Variants in DCC observed in about 807,000 individuals in gnomAD.
DCC encodes netrin receptor DCC.
DCC carries 58 observed loss-of-function variants against 172.5 expected under a neutral mutation model. The ratio of observed to expected loss-of-function variants is 0.34; its 90% confidence interval spans 0.27 to 0.42. DCC has a LOEUF of 0.42. Among genes scored for constraint, DCC ranks in the 10% least tolerant of loss-of-function variants. The pLI is 1.00. For synonymous variants in DCC, 709 were observed against 644.5 expected (o/e 1.10, Z -1.52); for missense variants, 1,740 against 1,791.0 (o/e 0.97, Z 0.51).
intron 1 of DCC, among the ~76,000 whole-genome samples, chr18:52,545,462 C>T (rs372048626): frequency 9.2e-5 from 14 of 152,304 alleles, no homozygotes; most frequent in Admixed American, 2.0e-4. Flanking sequence ...AGCCTCAAGC[C>T]GGTTCAGCTC....
At chr18:52,641,666 T>TA (rs2034893415) in intron 1 of DCC, among the ~76,000 whole-genome samples, 1 of 151,990 alleles carries the variant, frequency 6.6e-6, no homozygotes. Flanking sequence ...CACAATGCAA[T>TA]ACCACCTTAT....
intron 25 of DCC, among the ~76,000 whole-genome samples, chr18:53,475,597 T>C (rs1456839464): frequency 6.6e-6 from 1 of 152,154 alleles, no homozygotes; most frequent in Non-Finnish European, 1.5e-5. Flanking sequence ...AGTCAAGAAC[T>C]GGGGTTTGGG....
intron 2 of DCC, among the ~76,000 whole-genome samples, chr18:52,805,436 A>C (rs953216636): frequency 2.0e-5 from 3 of 152,176 alleles, no homozygotes; most frequent in Non-Finnish European, 4.4e-5. Flanking sequence ...AATTATATGA[A>C]TTTTTGTTTT....
In DCC at chr18:53,453,876, A is replaced by C. The variant is rs145918220; in HGVS notation, c.3392+3214A>C. On this transcript the variant is annotated intron_variant, in intron 23 of 28. Transcript: ENST00000442544. ...CCAGGTAACAATCTTCTACTTTTAAAACATAAAAATTCCCAATGGAATACT... is the reference window on the plus strand; with the variant it reads ...CCAGGTAACAATCTTCTACTTTTAACACATAAAAATTCCCAATGGAATACT... Among the ~76,000 whole-genome samples, 792 of 152,266 alleles carry C rather than the reference A, an allele frequency of 5.2e-3. 5 individuals carry two copies. The highest frequency in any genetic ancestry group is 0.018 in the African/African-American group (746 of 41,548).
At chr18:52,408,696 A>G (rs962914039) in intron 1 of DCC, among the ~76,000 whole-genome samples, 2 of 152,146 alleles carry the variant, frequency 1.3e-5, no homozygotes, top group Admixed American at 1.3e-4. Context: ...TTTATTAAGC[A>G]TATGGTACTG....
At chr18:52,683,051 C>T (rs562754715) in intron 1 of DCC, among the ~76,000 whole-genome samples, 45 of 152,144 alleles carry the variant, frequency 3.0e-4, no homozygotes, top group African/African-American at 9.9e-4. Flanking sequence ...ACATAGGATA[C>T]GTGGCTCAGT....
intron 1 of DCC, among the ~76,000 whole-genome samples, chr18:52,467,756 G>A (rs4633812): frequency 0.096 from 14,606 of 152,132 alleles, 866 homozygotes; most frequent in South Asian, 0.21. Context: ...GGCATGAGAT[G>A]GTATCTCATT....
chr18:52,945,453 TAGAG>T (rs1355177122), intron 5 of DCC, among the ~76,000 whole-genome samples: 6 of 152,240 alleles, frequency 3.9e-5, no homozygotes, highest in Admixed American at 1.3e-4. Flanking sequence ...TCTGGCATAT[TAGAG>T]AGGATATCTA....
At chr18:53,494,102 A>G (rs1008500547) in intron 26 of DCC, among the ~76,000 whole-genome samples, 3 of 152,166 alleles carry the variant, frequency 2.0e-5, no homozygotes, top group Non-Finnish European at 4.4e-5. Flanking sequence ...GTCATTCAGG[A>G]GCAGGTTGTT....
intron 27 of DCC, among the ~76,000 whole-genome samples, chr18:53,511,843 CACG>C (rs1238081931): frequency 6.6e-6 from 1 of 152,070 alleles, no homozygotes; most frequent in African/African-American, 2.4e-5. Flanking sequence ...GCTAGCACAG[CACG>C]GCAGTCTGAG....
intron 1 of DCC, among the ~76,000 whole-genome samples, chr18:52,660,592 A>G (rs1054851881): frequency 9.2e-5 from 14 of 152,306 alleles, no homozygotes; most frequent in African/African-American, 2.6e-4. Context: ...GTCACAAACT[A>G]AAGGAGAAAA....
intron 2 of DCC, among the ~76,000 whole-genome samples, chr18:52,852,460 A>C (rs2038990523): frequency 6.6e-6 from 1 of 152,160 alleles, no homozygotes. Flanking sequence ...GAAAAACAAA[A>C]AACAAAATAT....
At chr18:53,313,304 G>A (rs965136147) in intron 13 of DCC, among the ~76,000 whole-genome samples, 12 of 152,028 alleles carry the variant, frequency 7.9e-5, no homozygotes, top group Middle Eastern at 3.4e-3. Context: ...TGAGTGCAGC[G>A]GCACGATCTC....
chr18:53,205,490 A>G (rs2055611185), intron 10 of DCC, 126 bp downstream of exon 10: 4 of 900,636 alleles, frequency 4.4e-6, no homozygotes, highest in Admixed American at 1.8e-5. Context: ...TAACACATTC[A>G]TTGAAAAGCT....
chr18:52,645,328 G>A (rs2034998636), intron 1 of DCC, among the ~76,000 whole-genome samples: 1 of 151,674 alleles, frequency 6.6e-6, no homozygotes, highest in South Asian at 2.1e-4. Context: ...AGGTTCTAAG[G>A]CAGTTAAATT....
At chr18:52,911,134 T>C (rs1160644737) in intron 3 of DCC, among the ~76,000 whole-genome samples, 2 of 152,100 alleles carry the variant, frequency 1.3e-5, no homozygotes, top group African/African-American at 4.8e-5. Context: ...TTATAGAAAA[T>C]AGATTCCATT....
In DCC at chr18:53,071,070, G is replaced by C. The variant is rs1393592732; in HGVS notation, c.1261+4904G>C. ...GTTCAGCTTTAGCCTGTCCACAGGG[G>C]CTTGTGGCTGAGAGTTACTCTTGGC... On this transcript the variant is annotated intron_variant, in intron 7 of 28. Coordinates refer to ENST00000442544, the MANE Select transcript of DCC (RefSeq NM_005215.4). 3.3e-5 allele frequency among the ~76,000 whole-genome samples: 5 copies of C among 152,166 alleles called. No homozygotes were observed. In the South Asian group the frequency reaches 1.0e-3, roughly 32 times the overall value.
intron 15 of DCC, among the ~76,000 whole-genome samples, chr18:53,375,948 C>G (rs1037456052): frequency 1.4e-4 from 22 of 152,048 alleles, no homozygotes; most frequent in Admixed American, 8.5e-4. Flanking sequence ...AGGAGAAAAC[C>G]TGAACTTAAA....
chr18:53,168,744 A>G (rs191394581), intron 8 of DCC, among the ~76,000 whole-genome samples: 7 of 152,142 alleles, frequency 4.6e-5, no homozygotes, highest in Admixed American at 1.3e-4. Flanking sequence ...GGAAAAGGAA[A>G]AGCAAAATAA....
Sources: allele counts gnomAD v4.1 joint callset (sites outside exome capture counted in the v4.1 genomes callset), GRCh38; gene constraint gnomAD v4.1.1; transcripts MANE v1.5; gene names NCBI Gene and HGNC (gene_info 2026-07-23, HGNC 2026-07-21).